MAEA: variants seen among roughly 807,000 people sequenced by gnomAD.
The protein encoded by MAEA is macrophage erythroblast attacher, E3 ubiquitin ligase.
A neutral mutation model predicts 46.2 loss-of-function variants in MAEA; 22 were observed. The observed-to-expected ratio is 0.48, with a 90% confidence interval of 0.34 to 0.68. MAEA has a LOEUF of 0.68. Ranked by LOEUF, MAEA falls within the 30% of genes least tolerant of loss-of-function variation. The pLI is 0.01. For synonymous variants in MAEA, 246 were observed against 222.6 expected (o/e 1.11, Z -0.94); for missense variants, 393 against 558.1 (o/e 0.70, Z 2.98).
chr4:1,299,834 A>G (rs941996882), intron 1 of MAEA: 15 of 152,270 alleles, frequency 9.9e-5, no homozygotes, highest in African/African-American at 3.4e-4. Context: ...CAGCCCCAGC[A>G]TCTCCCACTT....
At chr4:1,316,179 C>T (rs73190250) in intron 3 of MAEA, among the ~76,000 whole-genome samples, 5,759 of 152,228 alleles carry the variant, frequency 0.038, 175 homozygotes, top group Non-Finnish European at 0.051. Context: ...GTGCGTTTTC[C>T]GTGTTTTCTG....
chr4:1,308,588 C>T (rs555832109), intron 1 of MAEA, among the ~76,000 whole-genome samples: 9 of 152,242 alleles, frequency 5.9e-5, no homozygotes, highest in African/African-American at 1.2e-4. Flanking sequence ...GCATAGCTTT[C>T]GGTGTTGAGT....
rs1244656345 is a variant in MAEA, at chr4:1,311,810, G to T, written c.70-169G>T. On this transcript the variant is annotated intron_variant, in intron 1 of 8. Transcript: ENST00000303400. The surrounding 1 kb of genome is among the most constrained non-coding windows in gnomAD (Gnocchi z 4.4). ...GTGGAGTGGCTCTCCGTTCAGCAGG[G>T]CTTTTGTGGGTCTTGGTTGAGGTTT... is the stretch of plus-strand genomic sequence containing the variant. Among the ~76,000 whole-genome samples the T allele has an allele frequency of 6.6e-6, 1 of 152,194 alleles. No homozygotes were observed. The highest frequency in any genetic ancestry group is 1.9e-4 in the East Asian group (1 of 5,200).
intron 5 of MAEA, chr4:1,332,464 C>T (rs1350533633): frequency 3.3e-6 from 1 of 305,882 alleles, no homozygotes; most frequent in Non-Finnish European, 6.3e-6. Context: ...CCTATAATCC[C>T]AGCACTTTGG....
In MAEA at chr4:1,312,273, T is replaced by C. The variant is rs116107640; in HGVS notation, c.252+112T>C. On this transcript the variant is annotated intron_variant, in intron 2 of 8. Transcript: ENST00000303400. ...AATGATGGGAACGCGGGAGGTGCGG[T>C]TGGGGGCCCCCTTCCCTGCTGTCTG... 1,628 of 1,370,738 alleles carry C rather than the reference T, an allele frequency of 1.2e-3. 20 individuals are homozygous for C. The African/African-American group carries it at 0.021, about 17-fold the overall frequency. The allele number at this position is 1,370,738 out of a possible 1,614,324, so 84.9% of individuals were successfully genotyped here. A position where few individuals can be genotyped will look rare whatever the true frequency, so the allele number is the denominator to read the frequency against.
intron 7 of MAEA, chr4:1,337,680 C>G (rs1053566308): frequency 5.9e-6 from 1 of 170,298 alleles, no homozygotes; most frequent in Admixed American, 6.2e-5. Flanking sequence ...GCAACTGAGT[C>G]CATCCCGCCT....
chr4:1,339,376 T>A lies in MAEA; in HGVS notation c.*207T>A. On this transcript the variant is annotated 3_prime_UTR_variant, in exon 9 of 9. Transcript: ENST00000303400. ...AAACATTTGGATTGGTAGGATTTTG[T>A]AACACGTCAACCATTTGATGCTTCT... The A allele has an allele frequency of 1.7e-6, 1 of 573,722 alleles. No homozygotes were observed. Among genetic ancestry groups the A allele is most frequent in the Non-Finnish European group, 3.1e-6 (1 of 323,498 alleles). 35.5% of individuals were successfully genotyped at this position (573,722 alleles called of 1,614,324 possible). A position where few individuals can be genotyped will look rare whatever the true frequency, so the allele number is the denominator to read the frequency against.
At chr4:1,297,405 C>G (rs181111818) in intron 1 of MAEA, among the ~76,000 whole-genome samples, 11 of 130,366 alleles carry the variant, frequency 8.4e-5, no homozygotes, top group African/African-American at 5.2e-4. Context: ...GCTCATTCCC[C>G]AGAGCACGGG....
chr4:1,293,160 T>TCTTGAATTGGA (rs1374386717), intron 1 of MAEA, among the ~76,000 whole-genome samples: 1 of 152,126 alleles, frequency 6.6e-6, no homozygotes, highest in African/African-American at 2.4e-5. Flanking sequence ...TCAACATGCA[T>TCTTGAATTGGA]AGTTCACCAT....
At chr4:1,299,545 G>C (rs914976317) in intron 1 of MAEA, 1 of 152,698 alleles carries the variant, frequency 6.5e-6, no homozygotes, top group African/African-American at 2.4e-5. Context: ...TCCTGACCTG[G>C]GGATGAAGGC....
chr4:1,309,313 C>T (rs1736141211), intron 1 of MAEA: 1 of 589,730 alleles, frequency 1.7e-6, no homozygotes. Context: ...ACTCGGTCAC[C>T]AAATGCCCTT....
intron 6 of MAEA, chr4:1,335,559 C>CGGCGTGTTGAAACCACAG (rs1712639991): frequency 1.2e-6 from 1 of 865,272 alleles, no homozygotes; most frequent in Non-Finnish European, 1.4e-6. Flanking sequence ...ACTGGCCCCA[C>CGGCGTGTTGAAACCACAG]AGTGTGTTGA....
intron 4 of MAEA, among the ~76,000 whole-genome samples, chr4:1,327,377 G>A (rs575036387): frequency 6.6e-6 from 1 of 152,352 alleles, no homozygotes; most frequent in East Asian, 1.9e-4. Flanking sequence ...GAAATGCTGG[G>A]CGGCTGCACG....
At chr4:1,308,603 G>A (rs567936583) in intron 1 of MAEA, among the ~76,000 whole-genome samples, 11 of 152,198 alleles carry the variant, frequency 7.2e-5, no homozygotes, top group Non-Finnish European at 1.5e-4. Flanking sequence ...TTGAGTGATC[G>A]CCGTCCTAAC....
chr4:1,291,772 G>A (rs11730939), intron 1 of MAEA, among the ~76,000 whole-genome samples: 53,554 of 152,106 alleles, frequency 0.35, 11,339 homozygotes, highest in Non-Finnish European at 0.48. Flanking sequence ...CAGGTCTTCT[G>A]CTGTTTTGTA....
rs990414408 is a variant in MAEA, at chr4:1,333,661, C to T, written c.765+796C>T. 2.0e-4 allele frequency among the ~76,000 whole-genome samples: 27 copies of T among 138,026 alleles called. 1 individual carries two copies. The East Asian group carries it at 3.6e-3, about 19-fold the overall frequency. The allele number at this position is 138,026 out of a possible 152,430, so 90.6% of individuals were successfully genotyped here. ...TGGGTGAGTGGCTCCACTCTGCACC[C>T]GTGCCCACCCCTGCACCCACCCCAT... On this transcript the variant is annotated intron_variant, in intron 6 of 8. Transcript: ENST00000303400.
chr4:1,309,617 G>A, intron 1 of MAEA: 1 of 1,523,450 alleles, frequency 6.6e-7, no homozygotes, highest in South Asian at 1.2e-5. Context: ...GTGCGCAGAG[G>A]CGTGGGAGGC....
At chr4:1,331,036 G>A (rs1193057940) in intron 5 of MAEA, 1 of 152,084 alleles carries the variant, frequency 6.6e-6, no homozygotes, top group Non-Finnish European at 1.5e-5. Context: ...CAGCAGCTCT[G>A]GGAGGAGGTG....
At chr4:1,314,232 C>T (rs556442471) in intron 2 of MAEA, among the ~76,000 whole-genome samples, 1 of 151,642 alleles carries the variant, frequency 6.6e-6, no homozygotes, top group South Asian at 2.1e-4. Flanking sequence ...GAGGCTGAGG[C>T]AGGAGAATCA....
Sources: gnomAD v4.1 joint callset for allele counts (sites outside exome capture counted in the v4.1 genomes callset) on GRCh38, gnomAD v4.1.1 for gene constraint, Gnocchi (gnomAD v3.1) non-coding constraint, MANE v1.5 for transcripts, NCBI Gene and HGNC (gene_info 2026-07-23, HGNC 2026-07-21) for gene names.